The following RCN3 variants were observed in gnomAD, a reference collection of about 807,000 sequenced individuals.
RCN3 encodes the protein reticulocalbin 3, also known as reticulocalbin-3.
A neutral mutation model predicts 35.9 loss-of-function variants in RCN3; 41 were observed. That is an observed-to-expected ratio of 1.14 (90% CI 0.89 to 1.48). The LOEUF is 1.48. RCN3 is among the 40% of genes most tolerant of loss of function. RCN3 has a pLI of 0.00. For synonymous variants in RCN3, 187 were observed against 193.4 expected, an observed-to-expected ratio of 0.97 and a Z score of 0.27; for missense variants, 451 against 471.3, an observed-to-expected ratio of 0.96 and a Z score of 0.40.
Position 49,537,137 on chromosome 19 carries a change from A to C in RCN3, c.550A>C (p.Thr184Pro). The change falls in exon 4 of 7, where the codon ACT (threonine) becomes CCT (proline). Residue 184 changes from threonine (T) to proline (P), a missense_variant. Transcript: ENST00000270645. ...CGACCAGGATGGGGACTCGATGGCC[A>C]CTCGAGAGGAGCTGACAGCCTTCCT... ...VADQDGDSMA[T>P]REELTAFLHP... The C allele has an allele frequency of 6.3e-7, 1 of 1,596,252 alleles. No homozygotes were observed. Among genetic ancestry groups the C allele is most frequent in the Non-Finnish European group, 8.5e-7 (1 of 1,170,378 alleles).
chr19:49,537,726 T>C (rs145003741), intron 4 of RCN3, among the ~76,000 whole-genome samples: 1,818 of 152,084 alleles, frequency 0.012, 26 homozygotes, highest in African/African-American at 0.041. Context: ...CTCAAACTTT[T>C]GACCTCAGGT....
At chr19:49,534,886 A>G (rs1450997451) in intron 3 of RCN3, among the ~76,000 whole-genome samples, 1 of 152,018 alleles carries the variant, frequency 6.6e-6, no homozygotes, top group Non-Finnish European at 1.5e-5. Flanking sequence ...TCATCCTGAG[A>G]ACCCCAAAGC....
intron 2 of RCN3, 24 bp downstream of exon 2, chr19:49,528,738 C>A: frequency 6.5e-7 from 1 of 1,545,410 alleles, no homozygotes; most frequent in South Asian, 1.2e-5. Flanking sequence ...TCGGTTGGGG[C>A]GTGTCCAGAG....
chr19:49,540,463 T>C (rs1300179051), intron 5 of RCN3, among the ~76,000 whole-genome samples: 1 of 151,800 alleles, frequency 6.6e-6, no homozygotes, highest in Non-Finnish European at 1.5e-5. Context: ...GTACTAAAAA[T>C]ACAAAAATTA....
intron 4 of RCN3, among the ~76,000 whole-genome samples, chr19:49,538,038 C>T (rs1403594195): frequency 6.6e-6 from 1 of 151,370 alleles, no homozygotes; most frequent in Non-Finnish European, 1.5e-5. Flanking sequence ...GTTACCCAGA[C>T]CGGAGGGCAG....
In RCN3 at chr19:49,528,662, G is replaced by A. The variant is rs1273712243; in HGVS notation, c.190G>A (p.Val64Met). ...YDHEAFLGREVAKEFDQLTPE... is the reference protein window; with the variant it reads ...YDHEAFLGREMAKEFDQLTPE... ...CCATGAGGCTTTCCTGGGACGGGAA[G>A]TGGCCAAGGAATTCGACCAACTCAC... The change falls in exon 2 of 7, where the codon GTG becomes ATG. Residue 64 changes from valine (V) to methionine (M), a missense_variant. Physicochemically the swap from Val to Met is conservative, Grantham distance 21. Transcript: ENST00000270645. 8 of 1,611,870 alleles carry A rather than the reference G, an allele frequency of 5.0e-6. No individual in the cohort carries two copies. Among genetic ancestry groups the A allele is most frequent in the Non-Finnish European group, 5.9e-6 (7 of 1,179,004 alleles).
Position 49,534,890 on chromosome 19 carries a change from C to G in RCN3, c.445+495C>G, listed in dbSNP as rs553620922. ...TCTGTGACCTCTCATCCTGAGAACC[C>G]CAAAGCCAGTTACTCAGCCCCTGAC... On this transcript the variant is annotated intron_variant, in intron 3 of 6. Coordinates refer to ENST00000270645, the MANE Select transcript of RCN3 (RefSeq NM_020650.3). 2.6e-5 allele frequency among the ~76,000 whole-genome samples: 4 copies of G among 152,222 alleles called. No homozygotes were observed. The South Asian group carries it at 6.2e-4, about 24-fold the overall frequency.
Position 49,542,593 on chromosome 19 carries a change from G to A in RCN3, c.720G>A (p.Ala240=), listed in dbSNP as rs78630690. Residue 240 remains alanine, a synonymous_variant, in exon 6 of 7, where the codon GCG becomes GCA. Coordinates refer to ENST00000270645, the MANE Select transcript of RCN3 (RefSeq NM_020650.3). ...YSAEPGEEEP[A]WVQTERQQFR... ...CCGAGCCTGGGGAGGAGGAGCCGGC[G>A]TGGGTGCAGACGGAGAGGCAGCAGT... 3,681 of 1,609,038 alleles carry A rather than the reference G, an allele frequency of 2.3e-3. 59 individuals are homozygous for A. In the African/African-American group the frequency reaches 0.043, roughly 19 times the overall value.
chr19:49,528,803 G>A (rs976111988), intron 2 of RCN3, 89 bp downstream of exon 2: 71 of 1,344,426 alleles, frequency 5.3e-5, no homozygotes, highest in Non-Finnish European at 6.8e-5. Flanking sequence ...GAAATGGCGT[G>A]GACTGAACTT....
rs1001660000 is a variant in RCN3 at position 49,534,392 on chromosome 19, C to G, written c.442C>G (p.Pro148Ala). Residue 148 changes from proline to alanine, a missense_variant, in exon 3 of 7, where the codon CCC becomes GCC. By Grantham distance (27) the Pro-to-Ala change is conservative (BLOSUM62 -1). Transcript: ENST00000270645. ...CAACGCCACCTATGGCCACTACGCG[C>G]CCGGTACGCGGCGAGCCCCCGACCC... ...LRNATYGHYA[P>A]GEEFHDVEDA... 1 of 1,538,266 alleles carries G rather than the reference C, an allele frequency of 6.5e-7. No individual in the cohort carries two copies. Among genetic ancestry groups the G allele is most frequent in the Admixed American group, 2.0e-5 (1 of 50,558 alleles).
chr19:49,528,406 C>T, intron 1 of RCN3, 61 bp from the exon 2 acceptor site: 1 of 1,424,178 alleles, frequency 7.0e-7, no homozygotes, highest in South Asian at 1.6e-5. Flanking sequence ...CCGCCATTCT[C>T]CTATCCCGTG....
In RCN3 at chr19:49,534,370, C is replaced by T. The variant is rs571975071; in HGVS notation, c.420C>T (p.Asn140=). The T allele has an allele frequency of 1.3e-6, 2 of 1,537,836 alleles. No individual in the cohort carries two copies. Among genetic ancestry groups the T allele is most frequent in the South Asian group, 1.2e-5 (1 of 83,448 alleles). Residue 140 remains asparagine (N), a synonymous_variant, in exon 3 of 7, where the codon AAC becomes AAT. Transcript: ENST00000270645. The part of the protein sequence containing the change: ...DGRVGWEELR[N]ATYGHYAPGE... ...GTGTGGGTTGGGAGGAGCTGCGCAA[C>T]GCCACCTATGGCCACTACGCGCCCG...
At position 49,543,137 on chromosome 19, in the gene RCN3, G is replaced by A. The variant is rs1452219257; in HGVS notation, c.911G>A (p.Gly304Asp). The change falls in exon 7 of 7, where the codon GGT becomes GAT. Residue 304 changes from glycine to aspartate, a missense_variant. Coordinates refer to ENST00000270645, the MANE Select transcript of RCN3 (RefSeq NM_020650.3). ...CGGCTGAGCAAAGCGGAAATCCTGG[G>A]TAATTGGAACATGTTTGTGGGCAGT... ...DGRLSKAEILGNWNMFVGSQA... is the reference protein window; with the variant it reads ...DGRLSKAEILDNWNMFVGSQA... 1 of 1,614,074 alleles carries A rather than the reference G, an allele frequency of 6.2e-7. No individual in the cohort carries two copies. The highest frequency in any genetic ancestry group is 2.2e-5 in the East Asian group (1 of 44,872).
At position 49,543,353 on chromosome 19, in the gene RCN3, A is replaced by AC; in HGVS notation, c.*145dup. On this transcript the variant is annotated 3_prime_UTR_variant, in exon 7 of 7. Transcript: ENST00000270645. ...TCCTCCTGCCCCTGGGCTCTCAGGGACCCCCTGGGTCGGCTTCTGTCCCTG... is the reference window on the plus strand; with the variant it reads ...TCCTCCTGCCCCTGGGCTCTCAGGGACCCCCCTGGGTCGGCTTCTGTCCCTG... 4.2e-6 allele frequency: 3 copies of AC among 712,344 alleles called. No homozygotes were observed. The highest frequency in any genetic ancestry group is 3.3e-5 in the South Asian group (2 of 59,770). The allele number at this position is 712,344 out of a possible 1,614,324, so 44.1% of individuals were successfully genotyped here. A position where few individuals can be genotyped will look rare whatever the true frequency, so the allele number is the denominator to read the frequency against.
chr19:49,529,935 T>G (rs866251006), intron 2 of RCN3, among the ~76,000 whole-genome samples: 1 of 120,434 alleles, frequency 8.3e-6, no homozygotes. Context: ...TTTGTATTTT[T>G]ATTTTTTATT....
rs62128091 is a variant in RCN3 at position 49,542,604 on chromosome 19, C to T, written c.731C>T (p.Thr244Met). Residue 244 changes from threonine to methionine, a missense_variant, in exon 6 of 7, where the codon ACG becomes ATG. Thr to Met is a moderately conservative substitution (Grantham distance 81). Coordinates refer to ENST00000270645, the MANE Select transcript of RCN3 (RefSeq NM_020650.3). ...PGEEEPAWVQ[T>M]ERQQFRDFRD... Reference sequence around the variant, plus strand: ...GAGGAGGAGCCGGCGTGGGTGCAGACGGAGAGGCAGCAGTTCCGGGACTTC... The same window carrying T: ...GAGGAGGAGCCGGCGTGGGTGCAGATGGAGAGGCAGCAGTTCCGGGACTTC... 1.2e-3 allele frequency: 1,861 copies of T among 1,609,540 alleles called. 1 individual carries two copies. The highest frequency in any genetic ancestry group is 1.2e-3 in the Non-Finnish European group (1,433 of 1,178,410).
intron 3 of RCN3, among the ~76,000 whole-genome samples, chr19:49,534,889 C>T (rs1056321417): frequency 1.3e-5 from 2 of 152,086 alleles, no homozygotes; most frequent in Non-Finnish European, 2.9e-5. Context: ...TCCTGAGAAC[C>T]CCAAAGCCAG....
intron 2 of RCN3, among the ~76,000 whole-genome samples, chr19:49,530,786 G>A (rs995873474): frequency 6.6e-6 from 1 of 152,098 alleles, no homozygotes; most frequent in South Asian, 2.1e-4. Flanking sequence ...ATGAGCCACC[G>A]CACCCGGCTG....
At chr19:49,538,558 C>T (rs11670916) in intron 4 of RCN3, among the ~76,000 whole-genome samples, 30,440 of 151,950 alleles carry the variant, frequency 0.2, 3,938 homozygotes, top group Non-Finnish European at 0.3. Flanking sequence ...TCGATCCTCC[C>T]GCCTCGGCCT....
Sources: gnomAD v4.1 joint callset for allele counts (sites outside exome capture counted in the v4.1 genomes callset) on GRCh38, gnomAD v4.1.1 for gene constraint, MANE v1.5 for transcripts, NCBI Gene and HGNC (gene_info 2026-07-23, HGNC 2026-07-21) for gene names.